The following ZNF445 variants were observed in gnomAD, a reference collection of about 807,000 sequenced individuals.
The protein encoded by ZNF445 is zinc finger protein 445, also known as zinc finger protein 168.
A neutral mutation model predicts 93.9 loss-of-function variants in ZNF445; 19 were observed. That is an observed-to-expected ratio of 0.20 (90% CI 0.14 to 0.30). The LOEUF (loss-of-function observed/expected upper bound fraction) is 0.30. Among genes scored for constraint, ZNF445 ranks in the 10% least tolerant of loss-of-function variants. The pLI is 1.00. For missense variants in ZNF445, 1,058 were observed against 1,259.4 expected (o/e 0.84, Z 2.42); for synonymous variants, 449 against 446.3 (o/e 1.01, Z -0.08).
chr3:44,458,825 T>C (rs1437989317), intron 1 of ZNF445, among the ~76,000 whole-genome samples: 1 of 152,164 alleles, frequency 6.6e-6, no homozygotes, highest in East Asian at 1.9e-4. Flanking sequence ...GGATTGTAGG[T>C]CATAAGATGC....
At chr3:44,460,614 CT>C (rs1698100332) in intron 1 of ZNF445, among the ~76,000 whole-genome samples, 1 of 152,150 alleles carries the variant, frequency 6.6e-6, no homozygotes, top group Admixed American at 6.5e-5. Flanking sequence ...CTGCAACTCC[CT>C]ATGATTTCAT....
chr3:44,437,067 G>T lies in ZNF445; in HGVS notation c.*9508C>A, dbSNP rs1575301739. ...GACAGAGCAGCCCCGAGGGCTGCTG[G>T]TTGTCTATTTTATGGTTTCTTGATG... On this transcript the variant is annotated 3_prime_UTR_variant, in exon 8 of 8. Coordinates refer to ENST00000396077, the MANE Select transcript of ZNF445 (RefSeq NM_181489.6). 1 of 152,180 alleles carries T rather than the reference G, an allele frequency of 6.6e-6. No individual in the cohort carries two copies. Among genetic ancestry groups the T allele is most frequent in the East Asian group, 1.9e-4 (1 of 5,184 alleles). The allele number at this position is 152,180 out of a possible 1,614,324, so 9.4% of individuals were successfully genotyped here. A position where few individuals can be genotyped will look rare whatever the true frequency, so the allele number is the denominator to read the frequency against.
intron 3 of ZNF445, among the ~76,000 whole-genome samples, chr3:44,452,916 CTT>C (rs60163197): frequency 2.9e-3 from 392 of 134,314 alleles, no homozygotes; most frequent in Non-Finnish European, 4.9e-3. Flanking sequence ...TTTCAGAAAT[CTT>C]TTTTTTTTTT....
At chr3:44,469,741 C>A (rs1278411100) in intron 1 of ZNF445, among the ~76,000 whole-genome samples, 3 of 151,878 alleles carry the variant, frequency 2.0e-5, no homozygotes, top group African/African-American at 7.3e-5. Flanking sequence ...TGCACTCCAG[C>A]CTGGGTGACA....
At chr3:44,460,688 A>C (rs1265918098) in intron 1 of ZNF445, among the ~76,000 whole-genome samples, 1 of 151,328 alleles carries the variant, frequency 6.6e-6, no homozygotes, top group Non-Finnish European at 1.5e-5. Context: ...ATCCTTAAAA[A>C]CTCTGCTCCC....
chr3:44,450,523 C>G lies in ZNF445; in HGVS notation c.744G>C (p.Trp248Cys). 1 of 1,614,150 alleles carries G rather than the reference C, an allele frequency of 6.2e-7. No homozygotes were observed. Among genetic ancestry groups the G allele is most frequent in the Non-Finnish European group, 8.5e-7 (1 of 1,180,028 alleles). Residue 248 changes from tryptophan (W) to cysteine (C), a missense_variant, in exon 6 of 8, where the codon TGG becomes TGC. By Grantham distance (215) the Trp-to-Cys change is radical. This residue lies in a region of ZNF445 where 657 missense variants were observed against 746.4 expected (regional missense o/e 0.88). Coordinates refer to ENST00000396077, the MANE Select transcript of ZNF445 (RefSeq NM_181489.6). ...TCCTCTGAGCAGAGTCCAGCCACCCCCACTCGTCCTGGGAGAAGGTCACCT... is the reference window on the plus strand; with the variant it reads ...TCCTCTGAGCAGAGTCCAGCCACCCGCACTCGTCCTGGGAGAAGGTCACCT... ...DVEVTFSQDE[W>C]GWLDSAQRNL...
chr3:44,458,711 GCTC>G (rs1698065778), intron 1 of ZNF445, among the ~76,000 whole-genome samples: 1 of 151,842 alleles, frequency 6.6e-6, no homozygotes, highest in South Asian at 2.1e-4. Flanking sequence ...CCTTTCACCT[GCTC>G]CTTTTTCTCC....
chr3:44,461,607 T>C (rs891234420), intron 1 of ZNF445, among the ~76,000 whole-genome samples: 1 of 149,554 alleles, frequency 6.7e-6, no homozygotes, highest in South Asian at 2.1e-4. Context: ...GAGACCCCAT[T>C]GTGAATTAAC....
At position 44,440,982 on chromosome 3, in the gene ZNF445, T is replaced by G. The variant is rs1697801584; in HGVS notation, c.*5593A>C. 6.6e-6 allele frequency: 1 copy of G among 151,786 alleles called. No homozygotes were observed. The highest frequency in any genetic ancestry group is 2.4e-5 in the African/African-American group (1 of 41,282). 9.4% of individuals were successfully genotyped at this position (151,786 alleles called of 1,614,324 possible). A position where few individuals can be genotyped will look rare whatever the true frequency, so the allele number is the denominator to read the frequency against. On this transcript the variant is annotated 3_prime_UTR_variant, in exon 8 of 8. Coordinates refer to ENST00000396077, the MANE Select transcript of ZNF445 (RefSeq NM_181489.6). ...AGGCTGGAGTGCAGTGGCACCATCT[T>G]GGCTCACTGCAACCTCCAACTCCCG...
At position 44,449,391 on chromosome 3, in the gene ZNF445, A is replaced by G. The variant is rs550600314; in HGVS notation, c.931+122T>C. On this transcript the variant is annotated intron_variant, in intron 7 of 7. Transcript: ENST00000396077. ...CCCAGTGGCCCAAGCACCCTTACCA[A>G]CACTGTTAAAGATCTTCCTTCCAGC... is the stretch of plus-strand genomic sequence containing the variant. 10 of 832,004 alleles carry G rather than the reference A, an allele frequency of 1.2e-5. No homozygotes were observed. The Admixed American group carries it at 1.7e-4, about 14-fold the overall frequency. The allele number at this position is 832,004 out of a possible 1,614,324, so 51.5% of individuals were successfully genotyped here. A position where few individuals can be genotyped will look rare whatever the true frequency, so the allele number is the denominator to read the frequency against.
chr3:44,474,257 G>A (rs932638548), intron 1 of ZNF445, among the ~76,000 whole-genome samples: 1 of 152,218 alleles, frequency 6.6e-6, no homozygotes, highest in African/African-American at 2.4e-5. Flanking sequence ...GCTCATGCCT[G>A]TAATCCTCGC....
Position 44,457,806 on chromosome 3 carries a change from G to C in ZNF445, c.-148+438C>G, listed in dbSNP as rs115377083. ...TCACGAGGTCAGAAGTTTGGGACCA[G>C]CCTGACCAACACAGTGAAACGCCAT... On this transcript the variant is annotated intron_variant, in intron 2 of 7. Transcript: ENST00000396077. 8.8e-3 allele frequency among the ~76,000 whole-genome samples: 1,330 copies of C among 150,812 alleles called. 21 individuals carry two copies. Among genetic ancestry groups the C allele is most frequent in the African/African-American group, 0.031 (1,276 of 41,094 alleles).
chr3:44,468,827 C>T (rs1443755844), intron 1 of ZNF445, among the ~76,000 whole-genome samples: 1 of 152,138 alleles, frequency 6.6e-6, no homozygotes, highest in Non-Finnish European at 1.5e-5. Flanking sequence ...CTGGGGGAGA[C>T]TGCTTTGAGT....
Position 44,446,666 on chromosome 3 carries a change from CGAGT to C in ZNF445, c.3001_3004del (p.Thr1001GlufsTer24). ...CTTGCTGCATTTGAAGGGCCTCTCT[CGAGT>C]ATGAAATCTCTTGTGGCTAATGAGT... is the stretch of plus-strand genomic sequence containing the variant. On this transcript the variant is annotated frameshift_variant, in exon 8 of 8. Coordinates refer to ENST00000396077, the MANE Select transcript of ZNF445 (RefSeq NM_181489.6). LOFTEE classifies it high-confidence loss of function. The surrounding 1 kb of genome is among the most constrained non-coding windows in gnomAD (Gnocchi z 4.2). 1 of 1,614,202 alleles carries C rather than the reference CGAGT, an allele frequency of 6.2e-7. No homozygotes were observed. Among genetic ancestry groups the C allele is most frequent in the Non-Finnish European group, 8.5e-7 (1 of 1,180,046 alleles).
intron 1 of ZNF445, among the ~76,000 whole-genome samples, chr3:44,459,199 GT>G (rs1340892643): frequency 6.6e-6 from 1 of 152,082 alleles, no homozygotes; most frequent in Non-Finnish European, 1.5e-5. Flanking sequence ...TCTTCATCTA[GT>G]TGTTTATTGT....
intron 3 of ZNF445, chr3:44,454,790 A>T (rs1698004695): frequency 2.9e-6 from 1 of 347,104 alleles, no homozygotes; most frequent in Non-Finnish European, 5.4e-6. Flanking sequence ...GGCTGGCTTG[A>T]ACTCCTGGCC....
Position 44,440,543 on chromosome 3 carries a change from T to C in ZNF445, c.*6032A>G, listed in dbSNP as rs1167947724. 1 of 152,218 alleles carries C rather than the reference T, an allele frequency of 6.6e-6. No individual in the cohort carries two copies. The highest frequency in any genetic ancestry group is 1.5e-5 in the Non-Finnish European group (1 of 68,030). 9.4% of individuals were successfully genotyped at this position (152,218 alleles called of 1,614,324 possible). On this transcript the variant is annotated 3_prime_UTR_variant, in exon 8 of 8. Transcript: ENST00000396077. Reference sequence around the variant, plus strand: ...AAAACTGTGGCCTGGTATTTCATCATAGATGTACTAGAGTTACTTAAGCGT... The same window carrying C: ...AAAACTGTGGCCTGGTATTTCATCACAGATGTACTAGAGTTACTTAAGCGT...
chr3:44,469,018 G>T (rs1306525155), intron 1 of ZNF445, among the ~76,000 whole-genome samples: 2 of 149,504 alleles, frequency 1.3e-5, no homozygotes, highest in African/African-American at 4.9e-5. Context: ...AGTATTTTGG[G>T]AGGATAGTGA....
At chr3:44,450,060 C>T (rs963749976) in intron 6 of ZNF445, 2 of 292,514 alleles carry the variant, frequency 6.8e-6, no homozygotes, top group Admixed American at 4.9e-5. Flanking sequence ...CCAGCCTCGG[C>T]TTCCCAAGTA....
Sources: gnomAD v4.1 joint callset for allele counts (sites outside exome capture counted in the v4.1 genomes callset) on GRCh38, gnomAD v4.1.1 for gene constraint, gnomAD v4.1.1 regional missense constraint, Gnocchi (gnomAD v3.1) non-coding constraint, MANE v1.5 for transcripts, NCBI Gene and HGNC (gene_info 2026-07-23, HGNC 2026-07-21) for gene names.